Variants in SSH2 observed in about 807,000 individuals in gnomAD.
SSH2 encodes protein phosphatase Slingshot homolog 2.
In SSH2, 37 loss-of-function variants were observed where a neutral mutation model predicts 135.2. The ratio of observed to expected loss-of-function variants is 0.27; its 90% CI spans 0.21 to 0.36. SSH2 has a LOEUF of 0.36. Ranked by LOEUF, SSH2 falls within the 10% of genes least tolerant of loss-of-function variation. SSH2 has a pLI of 1.00. For missense variants in SSH2, 1,408 were observed against 1,765.3 expected (o/e 0.80, Z 3.63); for synonymous variants, 628 against 646.2 (o/e 0.97, Z 0.43).
At chr17:29,919,580 A>G (rs1420263976) in intron 1 of SSH2, among the ~76,000 whole-genome samples, 1 of 152,224 alleles carries the variant, frequency 6.6e-6, no homozygotes, top group African/African-American at 2.4e-5. Context: ...CCTGCACAAA[A>G]TAGCACTCAC....
chr17:29,903,351 A>C, intron 1 of SSH2, among the ~76,000 whole-genome samples: 1 of 150,614 alleles, frequency 6.6e-6, no homozygotes. Context: ...TATATTTTTA[A>C]AAGTGTTCCC....
At chr17:29,791,835 C>A (rs563469826) in intron 3 of SSH2, among the ~76,000 whole-genome samples, 2 of 151,722 alleles carry the variant, frequency 1.3e-5, no homozygotes, top group East Asian at 3.9e-4. Context: ...ATAGAAGAAG[C>A]CTGCAAAAAC....
chr17:29,631,188 C>G lies in SSH2; in HGVS notation c.4006G>C (p.Glu1336Gln). 6.2e-7 allele frequency: 1 copy of G among 1,614,082 alleles called. No individual in the cohort carries two copies. Among genetic ancestry groups the G allele is most frequent in the South Asian group, 1.1e-5 (1 of 91,080 alleles). Residue 1336 changes from glutamate (E) to glutamine (Q), a missense_variant, in exon 16 of 16, where the codon GAA becomes CAA. Glu to Gln is a conservative substitution (Grantham distance 29, BLOSUM62 2). Around this residue, in one of 3 missense-constraint regions of SSH2, gnomAD observed 1,080 missense variants for 1,144.5 expected, o/e 0.94. Transcript: ENST00000540801. ...GGGTTGTGGGGGGCACCTGGGTTTT[C>G]TAGGGACTCTTGGTCCTCCATCGCG... ...MHAMEDQESLENPGAPHNPEP... is the reference protein window; with the variant it reads ...MHAMEDQESLQNPGAPHNPEP...
intron 6 of SSH2, among the ~76,000 whole-genome samples, chr17:29,679,500 T>A (rs991413125): frequency 3.3e-5 from 5 of 152,054 alleles, no homozygotes; most frequent in Non-Finnish European, 7.4e-5. Context: ...CTCCACCTCC[T>A]GGTTCAAGCG....
intron 1 of SSH2, among the ~76,000 whole-genome samples, chr17:29,915,619 G>A (rs2066867565): frequency 6.6e-6 from 1 of 152,064 alleles, no homozygotes; most frequent in African/African-American, 2.4e-5. Context: ...ATGCTGCTAA[G>A]CATAGCCTAT....
At chr17:29,902,260 T>A (rs2066571423) in intron 1 of SSH2, among the ~76,000 whole-genome samples, 1 of 152,200 alleles carries the variant, frequency 6.6e-6, no homozygotes, top group African/African-American at 2.4e-5. Context: ...CAAAGTAAAA[T>A]ACCAACTCAT....
intron 2 of SSH2, among the ~76,000 whole-genome samples, chr17:29,841,600 T>C (rs1228530753): frequency 6.6e-6 from 1 of 152,240 alleles, no homozygotes; most frequent in Non-Finnish European, 1.5e-5. Context: ...TAAAAAATTG[T>C]AGTCTATCTC....
chr17:29,851,330 C>T (rs2065554891), intron 1 of SSH2, among the ~76,000 whole-genome samples: 1 of 152,086 alleles, frequency 6.6e-6, no homozygotes, highest in African/African-American at 2.4e-5. Context: ...GGCACGGTGG[C>T]TCACACCTGT....
intron 3 of SSH2, among the ~76,000 whole-genome samples, chr17:29,766,048 C>A (rs1261645504): frequency 1.4e-5 from 2 of 146,300 alleles, no homozygotes; most frequent in Admixed American, 6.8e-5. Flanking sequence ...GATACAGGGA[C>A]AAAAGTACTT....
intron 1 of SSH2, among the ~76,000 whole-genome samples, chr17:29,890,811 T>C (rs2066333953): frequency 6.6e-6 from 1 of 152,116 alleles, no homozygotes; most frequent in African/African-American, 2.4e-5. Context: ...GCTGGAGCGC[T>C]GTGGTGCGAT....
intron 3 of SSH2, among the ~76,000 whole-genome samples, chr17:29,740,523 G>T (rs1248994375): frequency 6.6e-6 from 1 of 151,542 alleles, no homozygotes; most frequent in African/African-American, 2.4e-5. Context: ...TTTAAAGAAA[G>T]AGCCTTTGAG....
intron 2 of SSH2, among the ~76,000 whole-genome samples, chr17:29,844,135 CTT>C (rs2043091503): frequency 6.6e-6 from 1 of 151,954 alleles, no homozygotes; most frequent in East Asian, 1.9e-4. Flanking sequence ...AACATAAAAG[CTT>C]TTTTCTGATT....
intron 3 of SSH2, among the ~76,000 whole-genome samples, chr17:29,770,920 C>T (rs1421917970): frequency 6.6e-6 from 1 of 152,172 alleles, no homozygotes; most frequent in Non-Finnish European, 1.5e-5. Context: ...GTTTTCATAT[C>T]CATCTTCACT....
intron 1 of SSH2, among the ~76,000 whole-genome samples, chr17:29,897,296 G>A (rs909552943): frequency 3.9e-5 from 6 of 152,000 alleles, no homozygotes; most frequent in Non-Finnish European, 8.8e-5. Context: ...AACCTTAAAC[G>A]TAAATGGCCT....
chr17:29,822,775 C>T (rs1034131477), intron 2 of SSH2, among the ~76,000 whole-genome samples: 9 of 152,132 alleles, frequency 5.9e-5, no homozygotes, highest in South Asian at 2.1e-4. Context: ...TCTAGTTCTA[C>T]GCAAATATCA....
chr17:29,781,878 C>T (rs565750778), intron 3 of SSH2, among the ~76,000 whole-genome samples: 3 of 151,824 alleles, frequency 2.0e-5, no homozygotes, highest in Non-Finnish European at 4.4e-5. Context: ...CTCGCTTTGT[C>T]GCCCAGGCTG....
At chr17:29,740,486 G>A (rs1314540860) in intron 3 of SSH2, among the ~76,000 whole-genome samples, 2 of 150,818 alleles carry the variant, frequency 1.3e-5, no homozygotes, top group African/African-American at 2.4e-5. Context: ...AGGTGCCTAT[G>A]GATACTGTTT....
intron 1 of SSH2, among the ~76,000 whole-genome samples, chr17:29,888,931 C>CAAAAAAAAAAAAAAAAAAA (rs1175371440): frequency 2.4e-5 from 1 of 42,082 alleles, no homozygotes; most frequent in African/African-American, 1.2e-4. Context: ...GACACTATCT[C>CAAAAAAAAAAAAAAAAAAA]AAAAAAAAAA....
chr17:29,916,464 T>C (rs1308019910), intron 1 of SSH2, among the ~76,000 whole-genome samples: 1 of 151,476 alleles, frequency 6.6e-6, no homozygotes, highest in Non-Finnish European at 1.5e-5. Flanking sequence ...ATTTTTTTTT[T>C]CTTTCTTTTT....
Sources: allele counts gnomAD v4.1 joint callset (sites outside exome capture counted in the v4.1 genomes callset), GRCh38; gene constraint gnomAD v4.1.1; regional missense constraint gnomAD v4.1.1; transcripts MANE v1.5; gene names NCBI Gene and HGNC (gene_info 2026-07-23, HGNC 2026-07-21).